The following SLC27A4 variants were observed in gnomAD, a reference collection of about 807,000 sequenced individuals.
The protein encoded by SLC27A4 is solute carrier family 27 member 4, also known as long-chain fatty acid transport protein 4.
SLC27A4 carries 33 observed loss-of-function variants against 64.4 expected under a neutral mutation model. That is an observed-to-expected ratio of 0.51 (90% confidence interval 0.39 to 0.68). SLC27A4 has a LOEUF of 0.68. Among genes scored for constraint, SLC27A4 ranks in the 30% least tolerant of loss-of-function variants. The pLI is 0.00. For missense variants in SLC27A4, 824 were observed against 883.5 expected (o/e 0.93, Z 0.85); for synonymous variants, 377 against 370.0 (o/e 1.02, Z -0.22).
chr9:128,356,599 T>G (rs1832823643), intron 12 of SLC27A4, among the ~76,000 whole-genome samples: 3 of 152,028 alleles, frequency 2.0e-5, no homozygotes, highest in African/African-American at 7.3e-5. Flanking sequence ...AGGTCAGGAG[T>G]TCGAGACCAG....
rs376887034 is a variant in SLC27A4, at chr9:128,342,981, C to A, written c.-6-146C>A. On this transcript the variant is annotated intron_variant, in intron 1 of 12. Coordinates refer to ENST00000300456, the MANE Select transcript of SLC27A4 (RefSeq NM_005094.4). ...TTCCAGGCCAAGCCTGGAAAGGGAC[C>A]CCTGTGGTCAGTCACCCAACTCAGT... The A allele has an allele frequency of 2.2e-5, 22 of 1,016,136 alleles. No individual in the cohort carries two copies. The East Asian group carries it at 4.2e-4, about 19-fold the overall frequency. 62.9% of individuals were successfully genotyped at this position (1,016,136 alleles called of 1,614,324 possible). A position where few individuals can be genotyped will look rare whatever the true frequency, so the allele number is the denominator to read the frequency against.
chr9:128,358,564 G>A (rs951508836), intron 12 of SLC27A4, among the ~76,000 whole-genome samples: 4 of 152,098 alleles, frequency 2.6e-5, no homozygotes, highest in South Asian at 2.1e-4. Context: ...CTGTCTCAGC[G>A]TCCCCAGTAG....
chr9:128,357,969 C>T (rs1328420134), intron 12 of SLC27A4, among the ~76,000 whole-genome samples: 1 of 152,130 alleles, frequency 6.6e-6, no homozygotes, highest in Admixed American at 6.6e-5. Context: ...CATGAGCTTC[C>T]GGAGGATTGA....
chr9:128,346,285 G>C (rs1782523065), intron 3 of SLC27A4, among the ~76,000 whole-genome samples: 1 of 151,866 alleles, frequency 6.6e-6, no homozygotes. Flanking sequence ...CCAGGCTGGA[G>C]TGCAGTGGCG....
Position 128,355,709 on chromosome 9 carries a change from G to A in SLC27A4, c.1687G>A (p.Glu563Lys). 6.2e-7 allele frequency: 1 copy of A among 1,613,342 alleles called. No individual in the cohort carries two copies. Among genetic ancestry groups the A allele is most frequent in the Non-Finnish European group, 8.5e-7 (1 of 1,180,038 alleles). The change falls in exon 12 of 13, where the codon GAG becomes AAG. Residue 563 changes from glutamate to lysine, a missense_variant. Glu to Lys is a moderately conservative substitution (Grantham distance 56). Coordinates refer to ENST00000300456, the MANE Select transcript of SLC27A4 (RefSeq NM_005094.4). The part of the protein sequence containing the change: ...VASPTGNCDL[E>K]RFAQVLEKEL... Reference sequence around the variant, plus strand: ...CAGCCCCACTGGCAACTGTGACCTGGAGCGCTTTGCTCAGGTCTTGGAGAA... The same window carrying A: ...CAGCCCCACTGGCAACTGTGACCTGAAGCGCTTTGCTCAGGTCTTGGAGAA...
chr9:128,352,087 C>T (rs931077030), intron 6 of SLC27A4, among the ~76,000 whole-genome samples: 7 of 150,694 alleles, frequency 4.6e-5, no homozygotes, highest in South Asian at 2.1e-4. Context: ...CCCAGCTACT[C>T]GGGAGGATGA....
In SLC27A4 at chr9:128,345,580, G is replaced by A. The variant is rs1195775844; in HGVS notation, c.556+31G>A. ...CCCCAAGGGGGCGGGGGACAAGCAG[G>A]AACCCCATGGGATCTTACACAGACC... On this transcript the variant is annotated intron_variant, in intron 3 of 12. Coordinates refer to ENST00000300456, the MANE Select transcript of SLC27A4 (RefSeq NM_005094.4). The surrounding 1 kb of genome is among the most constrained non-coding windows in gnomAD (Gnocchi z 4.1). The A allele has an allele frequency of 2.5e-6, 4 of 1,576,550 alleles. No homozygotes were observed. In the East Asian group the frequency reaches 6.8e-5, roughly 27 times the overall value.
intron 12 of SLC27A4, 29 bp downstream of exon 12, chr9:128,355,825 G>A (rs1423236930): frequency 1.9e-6 from 3 of 1,610,970 alleles, no homozygotes; most frequent in Admixed American, 1.7e-5. Context: ...CCAGCTCTCG[G>A]ATCCCAGGTC....
intron 4 of SLC27A4, among the ~76,000 whole-genome samples, chr9:128,349,886 A>C (rs1390872803): frequency 6.6e-6 from 1 of 152,092 alleles, no homozygotes; most frequent in African/African-American, 2.4e-5. Context: ...GGCAGGTGTC[A>C]CCTTTATCGT....
chr9:128,340,631 G>A lies in SLC27A4; in HGVS notation c.-214G>A, dbSNP rs1832554404. On this transcript the variant is annotated 5_prime_UTR_variant, in exon 1 of 13. Transcript: ENST00000300456. ...CTGGCACAGCAGGTTTGGGGTGCGG[G>A]AGGCGGGCGGGGTAGGAGCGCGGCG... 3.3e-6 allele frequency: 1 copy of A among 301,312 alleles called. No individual in the cohort carries two copies. Among genetic ancestry groups the A allele is most frequent in the Non-Finnish European group, 6.1e-6 (1 of 164,996 alleles). The allele number at this position is 301,312 out of a possible 1,614,324, so 18.7% of individuals were successfully genotyped here.
chr9:128,360,605 C>T lies in SLC27A4; in HGVS notation c.*114C>T. 2 of 1,077,860 alleles carry T rather than the reference C, an allele frequency of 1.9e-6. No individual in the cohort carries two copies. The highest frequency in any genetic ancestry group is 1.4e-6 in the Non-Finnish European group (1 of 726,240). The allele number at this position is 1,077,860 out of a possible 1,614,324, so 66.8% of individuals were successfully genotyped here. The stretch of plus-strand genomic sequence containing the variant: ...GCAAGCAGGGCCTGGCACCTCCATC[C>T]TGAGGTGCTGCCCCTCCATCCAAAA... On this transcript the variant is annotated 3_prime_UTR_variant, in exon 13 of 13. Transcript: ENST00000300456.
chr9:128,357,255 CTG>C (rs1196216813), intron 12 of SLC27A4, among the ~76,000 whole-genome samples: 2 of 130,568 alleles, frequency 1.5e-5, no homozygotes, highest in Non-Finnish European at 3.2e-5. Flanking sequence ...GAGTGAGACT[CTG>C]TCTCAAAAAA....
At chr9:128,347,953 A>G (rs537921602) in intron 3 of SLC27A4, among the ~76,000 whole-genome samples, 1 of 151,920 alleles carries the variant, frequency 6.6e-6, no homozygotes, top group Non-Finnish European at 1.5e-5. Flanking sequence ...CCAGGGAAGA[A>G]GAGAGGGTTG....
At chr9:128,344,507 T>A (rs1292978976) in intron 2 of SLC27A4, among the ~76,000 whole-genome samples, 4 of 150,798 alleles carry the variant, frequency 2.7e-5, no homozygotes, top group African/African-American at 9.8e-5. Context: ...TGACAGAGTG[T>A]GACGCCATCT....
intron 12 of SLC27A4, among the ~76,000 whole-genome samples, 161 bp from the exon 13 acceptor site, chr9:128,360,173 A>G (rs1391433060): frequency 6.6e-6 from 1 of 152,180 alleles, no homozygotes; most frequent in Non-Finnish European, 1.5e-5. Context: ...CAGCTGCTGT[A>G]TGACCATTCT....
chr9:128,360,364 G>A lies in SLC27A4; in HGVS notation c.1805G>A (p.Arg602Gln), dbSNP rs1460254394. The A allele has an allele frequency of 7.4e-6, 12 of 1,614,032 alleles. No individual in the cohort carries two copies. The Admixed American group carries it at 1.0e-4, about 13-fold the overall frequency. Residue 602 changes from arginine (R) to glutamine (Q), a missense_variant, in exon 13 of 13, where the codon CGG becomes CAG. Coordinates refer to ENST00000300456, the MANE Select transcript of SLC27A4 (RefSeq NM_005094.4). ...TACAAGTTCCAGAAGACAGAGCTAC[G>A]GAAGGAGGGCTTTGACCCGGCTATT... The part of the protein sequence containing the change: ...GTYKFQKTEL[R>Q]KEGFDPAIVK...
intron 1 of SLC27A4, 63 bp from the exon 2 acceptor site, chr9:128,343,064 G>A (rs1832600333): frequency 2.5e-6 from 4 of 1,595,648 alleles, no homozygotes; most frequent in East Asian, 2.3e-5. Flanking sequence ...GGCTGTCTGG[G>A]CTGGGAGGTA....
At chr9:128,357,146 C>T (rs1832831984) in intron 12 of SLC27A4, among the ~76,000 whole-genome samples, 1 of 149,266 alleles carries the variant, frequency 6.7e-6, no homozygotes, top group South Asian at 2.1e-4. Context: ...CCTGTAATCC[C>T]AGCTACTTGG....
chr9:128,352,731 T>C lies in SLC27A4; in HGVS notation c.971T>C (p.Ile324Thr), dbSNP rs2131264973. 6.2e-7 allele frequency: 1 copy of C among 1,613,502 alleles called. No homozygotes were observed. Among genetic ancestry groups the C allele is most frequent in the Non-Finnish European group, 8.5e-7 (1 of 1,179,432 alleles). The stretch of plus-strand genomic sequence containing the variant: ...GCCTCCCGGTTCTGGGACGATTGTA[T>C]CAAGTACAACTGCACGGTGAGCGAG... The part of the protein sequence containing the change: ...FSASRFWDDC[I>T]KYNCTIVQYI... The change falls in exon 7 of 13, where the codon ATC (isoleucine) becomes ACC (threonine). Residue 324 changes from isoleucine (I) to threonine (T), a missense_variant. Coordinates refer to ENST00000300456, the MANE Select transcript of SLC27A4 (RefSeq NM_005094.4).
Sources: allele counts gnomAD v4.1 joint callset (sites outside exome capture counted in the v4.1 genomes callset), GRCh38; gene constraint gnomAD v4.1.1; non-coding constraint Gnocchi (gnomAD v3.1); transcripts MANE v1.5; gene names NCBI Gene and HGNC (gene_info 2026-07-23, HGNC 2026-07-21).